The following ST7 variants were observed in gnomAD, a reference collection of about 807,000 sequenced individuals.
ST7 encodes the protein suppressor of tumorigenicity 7 protein.
ST7 carries 28 observed loss-of-function variants against 78.7 expected under a neutral mutation model. The observed-to-expected ratio is 0.36, with a 90% CI of 0.26 to 0.49. ST7 has a LOEUF of 0.49. Ranked by LOEUF, ST7 falls within the 20% of genes least tolerant of loss-of-function variation. The pLI is 0.99. For missense variants in ST7, 418 were observed against 696.0 expected, an observed-to-expected ratio of 0.60 and a Z score of 4.49; for synonymous variants, 247 against 249.6, an observed-to-expected ratio of 0.99 and a Z score of 0.10.
At chr7:117,159,871 C>T (rs140350308) in intron 9 of ST7, among the ~76,000 whole-genome samples, 166 of 151,568 alleles carry the variant, frequency 1.1e-3, no homozygotes, top group African/African-American at 3.9e-3. Context: ...CCAGCCTGGG[C>T]GACAGAGCAA....
intron 15 of ST7, chr7:117,223,084 C>G: frequency 1.3e-6 from 1 of 762,586 alleles, no homozygotes; most frequent in Non-Finnish European, 2.3e-6. Context: ...GCAGCCCTTC[C>G]AAACTCTTCC....
At chr7:117,002,357 A>G (rs1794970346) in intron 1 of ST7, among the ~76,000 whole-genome samples, 1 of 152,080 alleles carries the variant, frequency 6.6e-6, no homozygotes, top group South Asian at 2.1e-4. Context: ...CCTCTCGAGT[A>G]GCTGAGACTG....
intron 13 of ST7, among the ~76,000 whole-genome samples, chr7:117,218,685 AG>A (rs1792871866): frequency 6.6e-6 from 1 of 152,204 alleles, no homozygotes; most frequent in East Asian, 1.9e-4. Context: ...AACTCCAACA[AG>A]TCGATCCACA....
intron 1 of ST7, among the ~76,000 whole-genome samples, chr7:117,063,449 C>T (rs1448280126): frequency 6.6e-6 from 1 of 152,108 alleles, no homozygotes; most frequent in African/African-American, 2.4e-5. Context: ...TGGCTCATGC[C>T]TATAATCCTA....
In ST7 at chr7:117,209,926, C is replaced by T. The variant is rs1214508438; in HGVS notation, c.1394C>T (p.Thr465Met). 6.9e-6 allele frequency: 11 copies of T among 1,601,806 alleles called. No homozygotes were observed. Among genetic ancestry groups the T allele is most frequent in the Non-Finnish European group, 5.9e-6 (7 of 1,177,410 alleles). Reference sequence around the variant, plus strand: ...GGGGCTTTGAATCTTTTGCATTGTACGTGGGAAGGCAGTAAGTAATTTTCT... The same window carrying T: ...GGGGCTTTGAATCTTTTGCATTGTATGTGGGAAGGCAGTAAGTAATTTTCT... ...VEGALNLLHC[T>M]WEGTFRMIPY... is the part of the protein sequence containing the mutation. Residue 465 changes from threonine to methionine, a missense_variant, in exon 13 of 16, where the codon ACG becomes ATG. This residue lies in a region of ST7 where 288 missense variants were observed against 537.1 expected (regional missense o/e 0.54). Coordinates refer to ENST00000323984, the MANE Select transcript of ST7 (RefSeq NM_001369598.1).
At position 116,985,087 on chromosome 7, in the gene ST7, G is replaced by A. The variant is rs1023706527; in HGVS notation, c.151+31396G>A. 5.9e-4 allele frequency among the ~76,000 whole-genome samples: 90 copies of A among 152,198 alleles called. 1 individual carries two copies. The highest frequency in any genetic ancestry group is 1.7e-3 in the African/African-American group (71 of 41,522). On this transcript the variant is annotated intron_variant, in intron 1 of 15. Transcript: ENST00000323984. Reference sequence around the variant, plus strand: ...CATAATTTGGGGTAAAACACATCTTGTTGACCTTTGAGAATTGTATAGTGG... The same window carrying A: ...CATAATTTGGGGTAAAACACATCTTATTGACCTTTGAGAATTGTATAGTGG...
intron 1 of ST7, among the ~76,000 whole-genome samples, chr7:117,085,321 T>A (rs73210198): frequency 0.01 from 1,534 of 152,330 alleles, 13 homozygotes; most frequent in Middle Eastern, 0.027. Context: ...ATCATTTATG[T>A]ATCTGGTTTT....
chr7:117,011,790 G>A (rs73714373), intron 1 of ST7, among the ~76,000 whole-genome samples: 377 of 152,228 alleles, frequency 2.5e-3, no homozygotes, highest in African/African-American at 8.5e-3. Context: ...TTTTGGAGAG[G>A]ACTATGATGT....
intron 5 of ST7, among the ~76,000 whole-genome samples, chr7:117,131,440 C>G (rs918284330): frequency 6.6e-6 from 1 of 151,652 alleles, no homozygotes; most frequent in Non-Finnish European, 1.5e-5. Context: ...TTTTACTGAC[C>G]CACGCATAAT....
intron 10 of ST7, among the ~76,000 whole-genome samples, chr7:117,186,001 T>G (rs1255507253): frequency 2.0e-5 from 3 of 152,222 alleles, no homozygotes; most frequent in African/African-American, 2.4e-5. Flanking sequence ...AGAACAGTTA[T>G]AACAATATGT....
Position 117,219,066 on chromosome 7 carries a change from A to G in ST7, c.1406-18A>G, listed in dbSNP as rs1563178135. ...CACAAACATTGGACATCTCTGACAT[A>G]TTTTTTCTCGTTTTCAGCTTTTCGG... On this transcript the variant is annotated intron_variant, in intron 13 of 15. Transcript: ENST00000323984. The surrounding 1 kb of genome is among the most constrained non-coding windows in gnomAD (Gnocchi z 5.1). The G allele has an allele frequency of 6.3e-7, 1 of 1,598,722 alleles. No individual in the cohort carries two copies. Among genetic ancestry groups the G allele is most frequent in the South Asian group, 1.1e-5 (1 of 88,014 alleles).
intron 1 of ST7, among the ~76,000 whole-genome samples, chr7:117,032,260 A>G (rs910703836): frequency 5.3e-5 from 8 of 152,110 alleles, no homozygotes; most frequent in African/African-American, 1.9e-4. Flanking sequence ...TGTAAATGCT[A>G]CTTTTATGGC....
intron 1 of ST7, among the ~76,000 whole-genome samples, chr7:117,055,274 C>T (rs182020920): frequency 1.1e-4 from 17 of 152,212 alleles, no homozygotes; most frequent in Admixed American, 1.0e-3. Flanking sequence ...ATGATCTCGG[C>T]TTACTGCAAC....
At chr7:117,125,192 A>G (rs111847845) in intron 3 of ST7, among the ~76,000 whole-genome samples, 27 of 152,242 alleles carry the variant, frequency 1.8e-4, no homozygotes, top group African/African-American at 6.5e-4. Flanking sequence ...ATAATACCTA[A>G]AATAGTTTTA....
At chr7:117,114,289 T>A (rs1369835785) in intron 2 of ST7, among the ~76,000 whole-genome samples, 1 of 151,998 alleles carries the variant, frequency 6.6e-6, no homozygotes, top group Non-Finnish European at 1.5e-5. Flanking sequence ...AGAGTCAATA[T>A]GGTAAAAAGA....
chr7:117,112,396 G>A (rs1369021183), intron 2 of ST7: 1 of 152,134 alleles, frequency 6.6e-6, no homozygotes, highest in Non-Finnish European at 1.5e-5. Flanking sequence ...AATTCTGAGT[G>A]GTGGGTATGA....
Position 117,209,756 on chromosome 7 carries a change from A to T in ST7, c.1255-31A>T, listed in dbSNP as rs754299589. 1.1e-5 allele frequency: 17 copies of T among 1,603,870 alleles called. 1 individual carries two copies. In the South Asian group the frequency reaches 1.9e-4, roughly 18 times the overall value. On this transcript the variant is annotated intron_variant, in intron 12 of 15. Coordinates refer to ENST00000323984, the MANE Select transcript of ST7 (RefSeq NM_001369598.1). Reference sequence around the variant, plus strand: ...CTGAATTCTAAATTACTTAGGTATTAACACAAGTGTGTCCTGCTTTTTTAT... The same window carrying T: ...CTGAATTCTAAATTACTTAGGTATTTACACAAGTGTGTCCTGCTTTTTTAT...
intron 9 of ST7, among the ~76,000 whole-genome samples, chr7:117,149,308 G>A (rs1356830245): frequency 6.6e-6 from 1 of 152,168 alleles, no homozygotes; most frequent in Non-Finnish European, 1.5e-5. Context: ...AGTAAAGATA[G>A]TTACCACCGA....
In ST7 at chr7:117,190,764, TG is replaced by T; in HGVS notation, c.1152-69del. The T allele has an allele frequency of 7.9e-7, 1 of 1,258,282 alleles. No individual in the cohort carries two copies. The highest frequency in any genetic ancestry group is 1.2e-6 in the Non-Finnish European group (1 of 862,422). 77.9% of individuals were successfully genotyped at this position (1,258,282 alleles called of 1,614,324 possible). On this transcript the variant is annotated intron_variant, in intron 11 of 15. Coordinates refer to ENST00000323984, the MANE Select transcript of ST7 (RefSeq NM_001369598.1). This position sits in a 1 kb window ranked among gnomAD's most constrained non-coding sequence, Gnocchi z 5.2. ...ACTGTGGTTTTATGGGCCCTAGATG[TG>T]TAGATGCTTCCGGGTTGATGCCCAA... is the stretch of plus-strand genomic sequence containing the variant.
Sources: gnomAD v4.1 joint callset for allele counts (sites outside exome capture counted in the v4.1 genomes callset) on GRCh38, gnomAD v4.1.1 for gene constraint, gnomAD v4.1.1 regional missense constraint, Gnocchi (gnomAD v3.1) non-coding constraint, MANE v1.5 for transcripts, NCBI Gene and HGNC (gene_info 2026-07-23, HGNC 2026-07-21) for gene names.